CLSPN: variants seen among roughly 807,000 people sequenced by gnomAD.
CLSPN encodes the protein claspin, also known as claspin homolog.
A neutral mutation model predicts 156.3 loss-of-function variants in CLSPN; 85 were observed. The ratio of observed to expected loss-of-function variants is 0.54; its 90% CI spans 0.46 to 0.65. The LOEUF is 0.65. Ranked by LOEUF, CLSPN falls within the 30% of genes least tolerant of loss-of-function variation. CLSPN has a pLI of 0.00. For synonymous variants in CLSPN, 534 were observed against 542.4 expected, an observed-to-expected ratio of 0.98 and a Z score of 0.22; for missense variants, 1,407 against 1,554.9, an observed-to-expected ratio of 0.90 and a Z score of 1.60.
chr1:35,747,080 C>G (rs891138830), intron 14 of CLSPN, 88 bp from the exon 15 acceptor site: 2 of 968,266 alleles, frequency 2.1e-6, no homozygotes, highest in Non-Finnish European at 3.2e-6. Flanking sequence ...CCCAGCACTT[C>G]GGGAGGCCGA....
chr1:35,750,347 A>G (rs1054446386), intron 10 of CLSPN, among the ~76,000 whole-genome samples: 3 of 151,868 alleles, frequency 2.0e-5, no homozygotes, highest in African/African-American at 7.2e-5. Flanking sequence ...ATTTAAATAA[A>G]TAAATAAAAT....
Position 35,769,857 on chromosome 1 carries a change from A to G in CLSPN, c.14T>C (p.Val5Ala), listed in dbSNP as rs1181791983. The change falls in exon 1 of 25, where the codon GTG becomes GCG. Residue 5 changes from valine (V) to alanine (A), a missense_variant. Val to Ala is a moderately conservative substitution (Grantham distance 64). Around this residue, in one of 3 missense-constraint regions of CLSPN, gnomAD observed 1,096 missense variants for 1,193.0 expected, o/e 0.92. Transcript: ENST00000318121. ...TGTGCATAAACTCACCTCAGAACCC[A>G]CCTCGCCTGTCATGACTTCTGCCTC... MTGE[V>A]GSEVHLEIND... 2 of 1,604,448 alleles carry G rather than the reference A, an allele frequency of 1.2e-6. No homozygotes were observed. Among genetic ancestry groups the G allele is most frequent in the African/African-American group, 2.7e-5 (2 of 73,910 alleles).
Position 35,745,512 on chromosome 1 carries a change from T to C in CLSPN, c.2905A>G (p.Ser969Gly), listed in dbSNP as rs142144209. 1.2e-6 allele frequency: 2 copies of C among 1,614,036 alleles called. No homozygotes were observed. Among genetic ancestry groups the C allele is most frequent in the Non-Finnish European group, 1.7e-6 (2 of 1,180,012 alleles). The change falls in exon 16 of 25, where the codon AGC becomes GGC. Residue 969 changes from serine to glycine, a missense_variant. By Grantham distance (56) the Ser-to-Gly change is moderately conservative. Around this residue, in one of 3 missense-constraint regions of CLSPN, gnomAD observed 1,096 missense variants for 1,193.0 expected, o/e 0.92. Transcript: ENST00000318121. ...GCTTCTTCCATTGGATCACCCATGC[T>C]GCTCTCCTTCTCCTGTTTATTTAAC... ...SELNKQEKESSMGDPMEEALA... is the reference protein window; with the variant it reads ...SELNKQEKESGMGDPMEEALA...
chr1:35,734,960 G>A lies in CLSPN; in HGVS notation c.*1536C>T. 2.0e-6 allele frequency: 2 copies of A among 985,374 alleles called. No individual in the cohort carries two copies. The highest frequency in any genetic ancestry group is 2.4e-6 in the Non-Finnish European group (2 of 829,856). The allele number at this position is 985,374 out of a possible 1,614,324, so 61.0% of individuals were successfully genotyped here. A position where few individuals can be genotyped will look rare whatever the true frequency, so the allele number is the denominator to read the frequency against. ...TGGTAGTTCAGGGAAAATGGAGAAT[G>A]ATGGCAATTCTCTTCAATAATATTT... On this transcript the variant is annotated 3_prime_UTR_variant, in exon 25 of 25. Coordinates refer to ENST00000318121, the MANE Select transcript of CLSPN (RefSeq NM_022111.4).
At chr1:35,759,608 G>T (rs190400192) in intron 8 of CLSPN, among the ~76,000 whole-genome samples, 1 of 152,204 alleles carries the variant, frequency 6.6e-6, no homozygotes, top group East Asian at 1.9e-4. Flanking sequence ...TTTGTTGAAT[G>T]AGTGAAAACA....
At chr1:35,758,703 A>G (rs1393859969) in intron 8 of CLSPN, among the ~76,000 whole-genome samples, 1 of 152,062 alleles carries the variant, frequency 6.6e-6, no homozygotes, top group Non-Finnish European at 1.5e-5. Context: ...AGAAGCAGCA[A>G]CAACTTTTTG....
rs777669962 is a variant in CLSPN at position 35,739,125 on chromosome 1, A to T, written c.3430+11T>A. ...GTAACTGATTGCTTTTAAAGACAAC[A>T]ACCAAGATACCTATGTTTTTCCATC... is the stretch of plus-strand genomic sequence containing the variant. On this transcript the variant is annotated intron_variant, in intron 20 of 24. Transcript: ENST00000318121. The T allele has an allele frequency of 1.2e-6, 2 of 1,614,100 alleles. No individual in the cohort carries two copies. Among genetic ancestry groups the T allele is most frequent in the Admixed American group, 3.3e-5 (2 of 60,008 alleles).
chr1:35,721,202 G>C (rs554943168), intron 24 of CLSPN, among the ~76,000 whole-genome samples: 1 of 152,004 alleles, frequency 6.6e-6, no homozygotes. Flanking sequence ...TTCCATTCAC[G>C]CACCTCTCAA....
chr1:35,741,326 C>T (rs56315630), intron 18 of CLSPN, among the ~76,000 whole-genome samples: 5 of 151,646 alleles, frequency 3.3e-5, no homozygotes, highest in Non-Finnish European at 7.4e-5. Flanking sequence ...TCTTTTTTTG[C>T]GGGGGTCGGG....
downstream of CLSPN, among the ~76,000 whole-genome samples, chr1:35,729,915 G>GA (rs1409535785): frequency 1.3e-5 from 2 of 152,052 alleles, no homozygotes; most frequent in East Asian, 3.9e-4. Context: ...TCCAGTTGAG[G>GA]AAAAAAGAGA....
At chr1:35,728,976 ACACACG>A (rs1400029434), downstream of CLSPN, among the ~76,000 whole-genome samples, 2 of 114,372 alleles carry the variant, frequency 1.7e-5, no homozygotes, top group African/African-American at 3.2e-5. Flanking sequence ...ACACACACAC[ACACACG>A]CCTTTCCTGC....
chr1:35,767,412 G>C (rs2148629125), intron 1 of CLSPN, among the ~76,000 whole-genome samples: 1 of 152,286 alleles, frequency 6.6e-6, no homozygotes, highest in South Asian at 2.1e-4. Context: ...AAAATGGGTA[G>C]CTGTATGAAT....
At chr1:35,751,584 C>G (rs553583036) in intron 9 of CLSPN, 78 bp from the exon 10 acceptor site, 2 of 1,506,422 alleles carry the variant, frequency 1.3e-6, no homozygotes, top group East Asian at 4.6e-5. Flanking sequence ...CAGAAATATT[C>G]TAGTCACATC....
chr1:35,739,699 T>A (rs1337803758), intron 18 of CLSPN, among the ~76,000 whole-genome samples, 170 bp from the exon 19 acceptor site: 2 of 152,230 alleles, frequency 1.3e-5, no homozygotes, highest in Non-Finnish European at 2.9e-5. Context: ...GACTTAATGA[T>A]TTTTCAACTT....
At chr1:35,750,319 G>T (rs1306771618) in intron 10 of CLSPN, among the ~76,000 whole-genome samples, 1 of 151,248 alleles carries the variant, frequency 6.6e-6, no homozygotes, top group Non-Finnish European at 1.5e-5. Flanking sequence ...AACATAGTGA[G>T]ACCCTCATCT....
At chr1:35,747,276 C>T (rs898409803) in intron 14 of CLSPN, among the ~76,000 whole-genome samples, 5 of 151,728 alleles carry the variant, frequency 3.3e-5, no homozygotes, top group Non-Finnish European at 5.9e-5. Context: ...GAGCCGAGAT[C>T]GCGCCACTGC....
intron 24 of CLSPN, among the ~76,000 whole-genome samples, chr1:35,726,730 G>A (rs1641200377): frequency 6.6e-6 from 1 of 152,224 alleles, no homozygotes; most frequent in South Asian, 2.1e-4. Flanking sequence ...ATCTATTGTG[G>A]GTGGTAAGTG....
At chr1:35,748,293 C>T (rs1641959728) in intron 13 of CLSPN, 112 bp downstream of exon 13, 1 of 1,061,852 alleles carries the variant, frequency 9.4e-7, no homozygotes, top group Non-Finnish European at 1.4e-6. Flanking sequence ...TTAAACTGAA[C>T]ACACATAAGC....
Position 35,748,031 on chromosome 1 carries a change from G to A in CLSPN, c.2503C>T (p.Pro835Ser). 6.2e-7 allele frequency: 1 copy of A among 1,613,612 alleles called. No homozygotes were observed. The highest frequency in any genetic ancestry group is 1.3e-5 in the African/African-American group (1 of 75,008). ...SSGKLSEPSLPIEDSQDLYNA... is the reference protein window; with the variant it reads ...SSGKLSEPSLSIEDSQDLYNA... ...TACAGATCCTGGGAATCCTCTATGGGAAGTGAAGGCTCAGACAGTTTCCCT... is the reference window on the plus strand; with the variant it reads ...TACAGATCCTGGGAATCCTCTATGGAAAGTGAAGGCTCAGACAGTTTCCCT... Residue 835 changes from proline to serine, a missense_variant, in exon 14 of 25, where the codon CCC becomes TCC. Physicochemically the swap from Pro to Ser is moderately conservative, Grantham distance 74 (BLOSUM62 -1). Around this residue, in one of 3 missense-constraint regions of CLSPN, gnomAD observed 1,096 missense variants for 1,193.0 expected, o/e 0.92. Transcript: ENST00000318121.
Sources: gnomAD v4.1 joint callset for allele counts (sites outside exome capture counted in the v4.1 genomes callset) on GRCh38, gnomAD v4.1.1 for gene constraint, gnomAD v4.1.1 regional missense constraint, MANE v1.5 for transcripts, NCBI Gene and HGNC (gene_info 2026-07-23, HGNC 2026-07-21) for gene names.